Variants in NSFL1C observed in about 807,000 individuals in gnomAD.
The protein encoded by NSFL1C is NSFL1 cofactor.
NSFL1C carries 14 observed loss-of-function variants against 43.1 expected under a neutral mutation model. The ratio of observed to expected loss-of-function variants is 0.32; its 90% CI spans 0.21 to 0.51. The LOEUF (loss-of-function observed/expected upper bound fraction) is 0.51. Among genes scored for constraint, NSFL1C ranks in the 20% least tolerant of loss-of-function variants. The pLI is 0.98. For synonymous variants in NSFL1C, 171 were observed against 183.5 expected (o/e 0.93, Z 0.55); for missense variants, 406 against 472.5 (o/e 0.86, Z 1.30).
intron 7 of NSFL1C, among the ~76,000 whole-genome samples, chr20:1,449,143 T>A (rs1044678440): frequency 6.6e-6 from 1 of 152,186 alleles, no homozygotes; most frequent in African/African-American, 2.4e-5. Flanking sequence ...AGTCTCAGGA[T>A]CCTTCTTTGT....
intron 3 of NSFL1C, chr20:1,457,937 AC>A (rs1458445800): frequency 2.7e-6 from 1 of 372,984 alleles, no homozygotes; most frequent in East Asian, 4.5e-5. Context: ...TTTAGTCAAT[AC>A]CAAAAAGTGG....
chr20:1,450,018 C>T (rs1435352852), intron 7 of NSFL1C, among the ~76,000 whole-genome samples: 1 of 152,150 alleles, frequency 6.6e-6, no homozygotes, highest in Non-Finnish European at 1.5e-5. Flanking sequence ...CATCTTTTGC[C>T]TTTTACTAAA....
chr20:1,458,416 C>A, intron 2 of NSFL1C, 142 bp from the exon 3 acceptor site: 1 of 629,896 alleles, frequency 1.6e-6, no homozygotes, highest in East Asian at 2.7e-5. Context: ...AAGGTTAATC[C>A]CCTAAGATTA....
chr20:1,453,207 A>G, intron 5 of NSFL1C, 67 bp from the exon 6 acceptor site: 4 of 901,716 alleles, frequency 4.4e-6, no homozygotes, highest in South Asian at 1.3e-5. Flanking sequence ...CTTGCAAATT[A>G]GCAGGTTTTT....
At chr20:1,460,810 G>A (rs140164922) in intron 2 of NSFL1C, among the ~76,000 whole-genome samples, 51 of 152,300 alleles carry the variant, frequency 3.3e-4, no homozygotes, top group African/African-American at 1.0e-3. Context: ...TTGTTGGATC[G>A]TGTAATTTTA....
chr20:1,442,709 CT>C lies in NSFL1C; in HGVS notation c.*1039del, dbSNP rs2089973862. 6.6e-6 allele frequency: 1 copy of C among 152,328 alleles called. No homozygotes were observed. Among genetic ancestry groups the C allele is most frequent in the African/African-American group, 2.4e-5 (1 of 41,566 alleles). 9.4% of individuals were successfully genotyped at this position (152,328 alleles called of 1,614,324 possible). The stretch of plus-strand genomic sequence containing the variant: ...TCAAAGAACAAGTGTGAAGCAGAAC[CT>C]GCTAAGCAAAGCCAAGTAGTGACAC... On this transcript the variant is annotated 3_prime_UTR_variant, in exon 9 of 9. Transcript: ENST00000216879.
At chr20:1,456,158 C>T (rs1227093002) in intron 3 of NSFL1C, 1 of 189,364 alleles carries the variant, frequency 5.3e-6, no homozygotes, top group Admixed American at 5.5e-5. Flanking sequence ...AGAGGCAAAG[C>T]CACAGGCCCC....
At chr20:1,464,839 G>C (rs1337911990) in intron 1 of NSFL1C, among the ~76,000 whole-genome samples, 1 of 152,142 alleles carries the variant, frequency 6.6e-6, no homozygotes, top group Non-Finnish European at 1.5e-5. Flanking sequence ...CAGAAGCACT[G>C]AGGATTAAAA....
At chr20:1,448,492 T>C (rs1233162949) in intron 7 of NSFL1C, among the ~76,000 whole-genome samples, 4 of 152,300 alleles carry the variant, frequency 2.6e-5, no homozygotes, top group Middle Eastern at 3.4e-3. Context: ...GCACGTCCCA[T>C]TGCAGACTGC....
intron 7 of NSFL1C, among the ~76,000 whole-genome samples, chr20:1,448,678 A>C (rs2090121965): frequency 6.6e-6 from 1 of 152,174 alleles, no homozygotes. Context: ...TGTGCTGAGT[A>C]CTTCACATGT....
chr20:1,455,016 A>G lies in NSFL1C; in HGVS notation c.395T>C (p.Val132Ala). The G allele has an allele frequency of 6.2e-7, 1 of 1,614,116 alleles. No individual in the cohort carries two copies. The highest frequency in any genetic ancestry group is 8.5e-7 in the Non-Finnish European group (1 of 1,180,014). The change falls in exon 4 of 9, where the codon GTA (valine) becomes GCA (alanine). Residue 132 changes from valine to alanine, a missense_variant. Transcript: ENST00000216879. Reference sequence around the variant, plus strand: ...GCTCTTGGTCACTCGCTCCACAGCTACAGCTCCATGCTCTTTGGCACCTTT... The same window carrying G: ...GCTCTTGGTCACTCGCTCCACAGCTGCAGCTCCATGCTCTTTGGCACCTTT... ...LFKGAKEHGAVAVERVTKSPG... is the reference protein window; with the variant it reads ...LFKGAKEHGAAAVERVTKSPG...
At chr20:1,456,845 A>C (rs1175685453) in intron 3 of NSFL1C, 1 of 152,236 alleles carries the variant, frequency 6.6e-6, no homozygotes, top group African/African-American at 2.4e-5. Context: ...TAAAACATTG[A>C]AAAAAATCTA....
Position 1,452,571 on chromosome 20 carries a change from T to G in NSFL1C, c.707A>C (p.Glu236Ala), listed in dbSNP as rs2090204771. Reference protein sequence around the residue: ...AHGGQVNLDMEDHRDEDFVKP... With the variant: ...AHGGQVNLDMADHRDEDFVKP... ...CACAAAGTCCTCGTCCCGATGGTCCTCCATATCCAAGTTCACCTGTCCACC... is the reference window on the plus strand; with the variant it reads ...CACAAAGTCCTCGTCCCGATGGTCCGCCATATCCAAGTTCACCTGTCCACC... Residue 236 changes from glutamate (E) to alanine (A), a missense_variant, in exon 7 of 9, where the codon GAG becomes GCG. By Grantham distance (107) the Glu-to-Ala change is moderately radical. This residue lies in a region of NSFL1C where 196 missense variants were observed against 228.0 expected (regional missense o/e 0.86). Coordinates refer to ENST00000216879, the MANE Select transcript of NSFL1C (RefSeq NM_016143.5). 12 of 1,614,020 alleles carry G rather than the reference T, an allele frequency of 7.4e-6. No individual in the cohort carries two copies. The highest frequency in any genetic ancestry group is 9.3e-6 in the Non-Finnish European group (11 of 1,180,034).
At chr20:1,458,641 G>A (rs900869518) in intron 2 of NSFL1C, among the ~76,000 whole-genome samples, 4 of 151,546 alleles carry the variant, frequency 2.6e-5, no homozygotes, top group African/African-American at 7.3e-5. Context: ...CAGACAGCGG[G>A]GAGTAACAGG....
At position 1,462,751 on chromosome 20, in the gene NSFL1C, C is replaced by T. The variant is rs369157116; in HGVS notation, c.203+1578G>A. Among the ~76,000 whole-genome samples, 10 of 152,192 alleles carry T rather than the reference C, an allele frequency of 6.6e-5. No homozygotes were observed. In the South Asian group the frequency reaches 2.1e-3, roughly 32 times the overall value. ...TGTTAGCCAGGATGGTCTCAATCTCCTGACCTCGTGATCCACCAGTCTCGG... is the reference window on the plus strand; with the variant it reads ...TGTTAGCCAGGATGGTCTCAATCTCTTGACCTCGTGATCCACCAGTCTCGG... On this transcript the variant is annotated intron_variant, in intron 2 of 8. Transcript: ENST00000216879.
At chr20:1,452,987 T>A (rs1426325639) in intron 6 of NSFL1C, 44 bp downstream of exon 6, 2 of 1,009,008 alleles carry the variant, frequency 2.0e-6, no homozygotes, top group Non-Finnish European at 1.6e-6. Context: ...CCAACTGCTA[T>A]CCACTCACTG....
At chr20:1,461,882 T>A in intron 2 of NSFL1C, among the ~76,000 whole-genome samples, 1 of 152,190 alleles carries the variant, frequency 6.6e-6, no homozygotes, top group Admixed American at 6.5e-5. Context: ...ACTCAATAAA[T>A]GGCAGCTGTT....
At chr20:1,457,916 T>A (rs2090334944) in intron 3 of NSFL1C, 1 of 356,250 alleles carries the variant, frequency 2.8e-6, no homozygotes, top group African/African-American at 2.1e-5. Context: ...TACAAACTGA[T>A]TTCAAATCTT....
At chr20:1,461,998 CCTG>C (rs2090421101) in intron 2 of NSFL1C, among the ~76,000 whole-genome samples, 1 of 152,154 alleles carries the variant, frequency 6.6e-6, no homozygotes, top group Non-Finnish European at 1.5e-5. Context: ...ACAAAAGATA[CCTG>C]CTAACATGTA....
Sources: gnomAD v4.1 joint callset for allele counts (sites outside exome capture counted in the v4.1 genomes callset) on GRCh38, gnomAD v4.1.1 for gene constraint, gnomAD v4.1.1 regional missense constraint, MANE v1.5 for transcripts, NCBI Gene and HGNC (gene_info 2026-07-23, HGNC 2026-07-21) for gene names.